Variants in NRXN3 observed in about 807,000 individuals in gnomAD.
The protein encoded by NRXN3 is neurexin III.
NRXN3 carries 32 observed loss-of-function variants against 137.6 expected under a neutral mutation model. The ratio of observed to expected loss-of-function variants is 0.23; its 90% CI spans 0.18 to 0.31. The LOEUF (loss-of-function observed/expected upper bound fraction) is 0.31. NRXN3 is among the 10% of genes least tolerant of loss of function. The pLI is 1.00. For synonymous variants in NRXN3, 798 were observed against 784.5 expected (o/e 1.02, Z -0.29); for missense variants, 1,574 against 2,062.5 (o/e 0.76, Z 4.59).
Position 79,865,359 on chromosome 14 carries a change from C to T in NRXN3, c.*3395C>T, listed in dbSNP as rs967397934. On this transcript the variant is annotated 3_prime_UTR_variant, in exon 21 of 21. Transcript: ENST00000335750. Reference sequence around the variant, plus strand: ...GTTCTCTCAGCACACACTTACTTGGCCAATTGGATAATCCATCTACCCTTT... The same window carrying T: ...GTTCTCTCAGCACACACTTACTTGGTCAATTGGATAATCCATCTACCCTTT... The T allele has an allele frequency of 6.6e-6, 1 of 152,112 alleles. No individual in the cohort carries two copies. Among genetic ancestry groups the T allele is most frequent in the South Asian group, 2.1e-4 (1 of 4,826 alleles). The allele number at this position is 152,112 out of a possible 1,614,324, so 9.4% of individuals were successfully genotyped here.
At chr14:78,350,695 G>A (rs2083365259) in intron 4 of NRXN3, among the ~76,000 whole-genome samples, 1 of 152,098 alleles carries the variant, frequency 6.6e-6, no homozygotes, top group African/African-American at 2.4e-5. Flanking sequence ...TAACAATGTA[G>A]AGGTGGAAAC....
At chr14:79,687,098 G>T (rs982713664) in intron 17 of NRXN3, among the ~76,000 whole-genome samples, 1 of 152,162 alleles carries the variant, frequency 6.6e-6, no homozygotes, top group Non-Finnish European at 1.5e-5. Context: ...CATATAAATA[G>T]TTCTTTTTCC....
chr14:78,633,849 A>G (rs568909666), intron 4 of NRXN3, among the ~76,000 whole-genome samples: 4 of 152,298 alleles, frequency 2.6e-5, no homozygotes, highest in East Asian at 3.9e-4. Flanking sequence ...AAAAAGCCCT[A>G]TTGATCTTGT....
intron 15 of NRXN3, among the ~76,000 whole-genome samples, chr14:79,231,649 A>G (rs1032707109): frequency 7.2e-5 from 11 of 152,202 alleles, no homozygotes; most frequent in Non-Finnish European, 1.3e-4. Context: ...GAGGCATTCA[A>G]TGATTAAATA....
chr14:78,569,848 G>A (rs2096873588), intron 4 of NRXN3, among the ~76,000 whole-genome samples: 1 of 151,896 alleles, frequency 6.6e-6, no homozygotes, highest in African/African-American at 2.4e-5. Context: ...AGACTCAAGC[G>A]ATCCTCCTGC....
chr14:79,804,608 G>A (rs1296422269), intron 19 of NRXN3, among the ~76,000 whole-genome samples: 2 of 152,150 alleles, frequency 1.3e-5, no homozygotes, highest in Admixed American at 6.5e-5. Context: ...AGTTCCTAAA[G>A]AGAATGCATT....
In NRXN3 at chr14:79,185,671, T is replaced by C. The variant is rs572025571; in HGVS notation, c.3262+197530T>C. 4.1e-4 allele frequency among the ~76,000 whole-genome samples: 62 copies of C among 152,198 alleles called. 1 individual carries two copies. In the East Asian group the frequency reaches 7.2e-3, roughly 18 times the overall value. ...TAGTAGAGACAGGGTTTCACCATGT[T>C]AGCCAGGATGGTCTCGATCTCCTGA... On this transcript the variant is annotated intron_variant, in intron 15 of 20. Coordinates refer to ENST00000335750, the MANE Select transcript of NRXN3 (RefSeq NM_001330195.2).
At chr14:79,161,577 G>T (rs2060775207) in intron 15 of NRXN3, among the ~76,000 whole-genome samples, 2 of 151,974 alleles carry the variant, frequency 1.3e-5, no homozygotes, top group African/African-American at 4.8e-5. Flanking sequence ...TTGGATGTAT[G>T]CTAAAGCGTG....
chr14:78,788,256 T>C (rs553307096), intron 8 of NRXN3, among the ~76,000 whole-genome samples: 17 of 84,066 alleles, frequency 2.0e-4, no homozygotes, highest in African/African-American at 6.2e-4. Flanking sequence ...TACATGCATA[T>C]ATATACAACA....
At chr14:78,905,848 G>A (rs1388097146) in intron 10 of NRXN3, among the ~76,000 whole-genome samples, 1 of 151,992 alleles carries the variant, frequency 6.6e-6, no homozygotes, top group Admixed American at 6.6e-5. Context: ...TAGAGTTTAT[G>A]TGAGTATTAT....
chr14:78,881,080 G>A (rs1293142557), intron 10 of NRXN3, among the ~76,000 whole-genome samples: 3 of 151,528 alleles, frequency 2.0e-5, no homozygotes, highest in Admixed American at 1.3e-4. Flanking sequence ...TCTCCTTCCT[G>A]CTGTCATGTG....
intron 19 of NRXN3, among the ~76,000 whole-genome samples, chr14:79,711,036 G>C (rs1210968452): frequency 1.3e-5 from 2 of 152,130 alleles, no homozygotes; most frequent in Non-Finnish European, 2.9e-5. Context: ...TCTATTCCAA[G>C]AATAGGGTCT....
At chr14:78,482,259 G>T (rs769637149) in intron 4 of NRXN3, among the ~76,000 whole-genome samples, 4 of 152,180 alleles carry the variant, frequency 2.6e-5, no homozygotes, top group Non-Finnish European at 5.9e-5. Context: ...CAAAGTTACT[G>T]TATATGCGTT....
chr14:79,091,019 C>T (rs909366601), intron 15 of NRXN3, among the ~76,000 whole-genome samples: 6 of 151,656 alleles, frequency 4.0e-5, no homozygotes, highest in African/African-American at 7.3e-5. Context: ...TACGAGAACT[C>T]GTGCCCAAAT....
intron 16 of NRXN3, among the ~76,000 whole-genome samples, chr14:79,605,699 C>T (rs772964928): frequency 6.6e-6 from 1 of 151,936 alleles, no homozygotes; most frequent in Non-Finnish European, 1.5e-5. Flanking sequence ...CATGTTGGCC[C>T]GGCTGCTCTT....
chr14:79,106,734 C>G (rs577303903), intron 15 of NRXN3, among the ~76,000 whole-genome samples: 39 of 152,038 alleles, frequency 2.6e-4, no homozygotes, highest in Non-Finnish European at 4.9e-4. Flanking sequence ...TAGTACTTCC[C>G]TATACAGAAC....
At chr14:79,317,473 C>T (rs764450291) in intron 15 of NRXN3, among the ~76,000 whole-genome samples, 10 of 152,184 alleles carry the variant, frequency 6.6e-5, no homozygotes, top group Non-Finnish European at 1.5e-4. Context: ...ATCCTACTAT[C>T]CTACTATGTC....
intron 1 of NRXN3, among the ~76,000 whole-genome samples, chr14:78,183,110 A>G (rs1464453474): frequency 6.6e-6 from 1 of 152,082 alleles, no homozygotes; most frequent in Non-Finnish European, 1.5e-5. Context: ...AGGATGAAAC[A>G]AGGGACGTCT....
chr14:78,296,556 A>G (rs7152608), intron 3 of NRXN3, among the ~76,000 whole-genome samples: 121,424 of 152,152 alleles, frequency 0.8, 49,007 homozygotes, highest in African/African-American at 0.93. Context: ...CAAATCATGA[A>G]AATGACTTGT....
Sources: gnomAD v4.1 joint callset for allele counts (sites outside exome capture counted in the v4.1 genomes callset) on GRCh38, gnomAD v4.1.1 for gene constraint, MANE v1.5 for transcripts, NCBI Gene and HGNC (gene_info 2026-07-23, HGNC 2026-07-21) for gene names.